Variants in RBM25 observed in about 807,000 individuals in gnomAD.
The protein encoded by RBM25 is RNA binding motif protein 25.
A neutral mutation model predicts 120.7 loss-of-function variants in RBM25; 19 were observed. That is an observed-to-expected ratio of 0.16 (90% CI 0.11 to 0.23). The LOEUF is 0.23. RBM25 is among the 10% of genes least tolerant of loss of function. RBM25 has a pLI of 1.00. For missense variants in RBM25, 605 were observed against 1,041.5 expected, an observed-to-expected ratio of 0.58 and a Z score of 5.77; for synonymous variants, 390 against 326.7, an observed-to-expected ratio of 1.19 and a Z score of -2.09.
intron 18 of RBM25, 110 bp downstream of exon 18, chr14:73,114,443 A>T: frequency 1.4e-6 from 1 of 713,912 alleles, no homozygotes; most frequent in African/African-American, 1.9e-5. Context: ...GGTAGTCTTA[A>T]ATTCCTAGGC....
chr14:73,090,526 A>G (rs1895790291), intron 6 of RBM25, among the ~76,000 whole-genome samples: 2 of 152,192 alleles, frequency 1.3e-5, no homozygotes, highest in African/African-American at 2.4e-5. Context: ...TTCTATCCAT[A>G]CTTATAATTA....
intron 18 of RBM25, among the ~76,000 whole-genome samples, chr14:73,117,969 A>G (rs952786117): frequency 6.6e-6 from 1 of 152,178 alleles, no homozygotes; most frequent in Non-Finnish European, 1.5e-5. Flanking sequence ...AGGAATAGTG[A>G]TGGGGACACA....
chr14:73,119,648 A>T, intron 18 of RBM25, 65 bp from the exon 19 acceptor site: 1 of 1,594,816 alleles, frequency 6.3e-7, no homozygotes, highest in African/African-American at 1.4e-5. Context: ...TATACTGGCC[A>T]CTGTTTTTGG....
intron 1 of RBM25, among the ~76,000 whole-genome samples, chr14:73,070,094 C>T (rs929729864): frequency 3.3e-5 from 5 of 151,440 alleles, no homozygotes; most frequent in Non-Finnish European, 7.4e-5. Context: ...TTTTTCTTCC[C>T]ACCCCGAGAC....
chr14:73,105,769 T>A, intron 10 of RBM25, 90 bp from the exon 11 acceptor site: 1 of 1,534,560 alleles, frequency 6.5e-7, no homozygotes. Context: ...AGATTTTATA[T>A]TATTTCATAA....
In RBM25 at chr14:73,076,486, A is replaced by G; in HGVS notation, c.156+118A>G. ...TTAAAAGAATAACAAGGACAGAATG[A>G]CAGCACCCCTGTAGAGCATATCATT... On this transcript the variant is annotated intron_variant, in intron 3 of 18. Coordinates refer to ENST00000261973, the MANE Select transcript of RBM25 (RefSeq NM_021239.3). The G allele has an allele frequency of 6.8e-6, 6 of 881,544 alleles. 1 individual carries two copies. Among genetic ancestry groups the G allele is most frequent in the Non-Finnish European group, 1.1e-5 (6 of 554,304 alleles). 54.6% of individuals were successfully genotyped at this position (881,544 alleles called of 1,614,324 possible). A position where few individuals can be genotyped will look rare whatever the true frequency, so the allele number is the denominator to read the frequency against.
chr14:73,111,927 T>G, intron 16 of RBM25, 125 bp downstream of exon 16: 2 of 1,258,942 alleles, frequency 1.6e-6, no homozygotes, highest in Non-Finnish European at 2.2e-6. Flanking sequence ...ATGATCATCT[T>G]GACACCAACT....
chr14:73,071,551 T>G, intron 1 of RBM25, 76 bp from the exon 2 acceptor site: 1 of 1,048,484 alleles, frequency 9.5e-7, no homozygotes, highest in Non-Finnish European at 1.4e-6. Context: ...ACTCTAAAAA[T>G]GAAAGTCAAC....
intron 1 of RBM25, chr14:73,068,116 A>T (rs901534545): frequency 1.3e-6 from 1 of 741,952 alleles, no homozygotes; most frequent in South Asian, 1.5e-5. Flanking sequence ...CCTCGTTCAC[A>T]GACAGAACTG....
chr14:73,068,619 T>TA (rs1895200532), intron 1 of RBM25: 2 of 457,170 alleles, frequency 4.4e-6, no homozygotes, highest in South Asian at 3.5e-5. Flanking sequence ...TGGCTGGCAT[T>TA]ACCACATCCC....
chr14:73,071,595 T>C (rs368852826), intron 1 of RBM25, 32 bp from the exon 2 acceptor site: 5 of 1,443,588 alleles, frequency 3.5e-6, no homozygotes, highest in Non-Finnish European at 4.8e-6. Context: ...CGTTTTCAAA[T>C]AAAATGATTT....
At chr14:73,097,418 C>T (rs1293479391) in intron 7 of RBM25, among the ~76,000 whole-genome samples, 1 of 152,012 alleles carries the variant, frequency 6.6e-6, no homozygotes, top group East Asian at 1.9e-4. Flanking sequence ...CCAGGATGGT[C>T]TCAATCTCGT....
chr14:73,063,633 C>T (rs1037983586), intron 1 of RBM25, among the ~76,000 whole-genome samples: 2 of 151,260 alleles, frequency 1.3e-5, no homozygotes. Flanking sequence ...CAAAATATAT[C>T]CAGGATCCAA....
intron 12 of RBM25, 44 bp downstream of exon 12, chr14:73,106,329 C>T (rs1896187548): frequency 2.1e-6 from 3 of 1,462,542 alleles, no homozygotes; most frequent in Non-Finnish European, 2.8e-6. Flanking sequence ...GGTAAAAAGT[C>T]AGATTGTATC....
intron 7 of RBM25, 71 bp from the exon 8 acceptor site, chr14:73,099,309 C>A: frequency 1.5e-6 from 2 of 1,307,154 alleles, no homozygotes; most frequent in East Asian, 2.3e-5. Flanking sequence ...ATGTATAGGG[C>A]ATTGCTTTGC....
intron 6 of RBM25, among the ~76,000 whole-genome samples, chr14:73,093,350 G>A (rs899018264): frequency 6.6e-6 from 1 of 152,228 alleles, no homozygotes; most frequent in Admixed American, 6.5e-5. Context: ...CAGCAGAGCT[G>A]TTTAACTTCA....
intron 10 of RBM25, among the ~76,000 whole-genome samples, chr14:73,105,445 C>G (rs893680179): frequency 6.6e-6 from 1 of 152,198 alleles, no homozygotes; most frequent in Admixed American, 6.5e-5. Context: ...TCCTTGATCT[C>G]TAGTAAGCTA....
chr14:73,117,175 C>T (rs1400117532), intron 18 of RBM25, among the ~76,000 whole-genome samples: 2 of 136,850 alleles, frequency 1.5e-5, no homozygotes, highest in Admixed American at 7.5e-5. Flanking sequence ...GAGAAAGTGA[C>T]AGAAATTTCT....
chr14:73,080,384 C>T (rs901781097), intron 4 of RBM25, among the ~76,000 whole-genome samples: 2 of 151,752 alleles, frequency 1.3e-5, no homozygotes, highest in African/African-American at 2.4e-5. Context: ...CCACCATGCC[C>T]GGCTAATTTT....
Sources: gnomAD v4.1 joint callset for allele counts (sites outside exome capture counted in the v4.1 genomes callset) on GRCh38, gnomAD v4.1.1 for gene constraint, MANE v1.5 for transcripts, NCBI Gene and HGNC (gene_info 2026-07-23, HGNC 2026-07-21) for gene names.